Variants in XPO1 observed in about 807,000 individuals in gnomAD.
The protein encoded by XPO1 is exportin-1.
A neutral mutation model predicts 133.3 loss-of-function variants in XPO1; 5 were observed. That is an observed-to-expected ratio of 0.04 (90% CI 0.02 to 0.08). The LOEUF is 0.08. XPO1 is among the 10% of genes least tolerant of loss of function. The probability of loss-of-function intolerance (pLI) is 1.00; values close to 1 mark genes in which losing one functional copy is unlikely to be tolerated. For synonymous variants in XPO1, 419 were observed against 408.2 expected (o/e 1.03, Z -0.32); for missense variants, 506 against 1,267.5 (o/e 0.40, Z 9.12).
At chr2:61,484,560 C>G (rs1696579925) in intron 20 of XPO1, 1 of 155,652 alleles carries the variant, frequency 6.4e-6, no homozygotes, top group Non-Finnish European at 1.4e-5. Context: ...CCTCCGCCTC[C>G]TGGGTTCAAG....
intron 16 of XPO1, among the ~76,000 whole-genome samples, chr2:61,491,491 CA>C (rs1558638174): frequency 4.0e-5 from 6 of 149,632 alleles, no homozygotes; most frequent in South Asian, 2.1e-4. Flanking sequence ...CACACACACA[CA>C]CACACCCCAA....
At chr2:61,482,034 C>CTTTT (rs1195049382) in intron 23 of XPO1, among the ~76,000 whole-genome samples, 8 of 71,384 alleles carry the variant, frequency 1.1e-4, no homozygotes, top group East Asian at 1.1e-3. Context: ...CGTGCGTGGC[C>CTTTT]TTTTTTTTTT....
At chr2:61,526,569 G>T in intron 2 of XPO1, 48 bp from the exon 3 acceptor site, 2 of 1,386,458 alleles carry the variant, frequency 1.4e-6, no homozygotes, top group South Asian at 3.0e-5. Flanking sequence ...GTATTCTTTT[G>T]AATCATTCAT....
At chr2:61,482,583 C>A (rs764011581) in intron 22 of XPO1, 44 bp from the exon 23 acceptor site, 15 of 1,445,620 alleles carry the variant, frequency 1.0e-5, no homozygotes, top group Non-Finnish European at 2.8e-6. Flanking sequence ...TGTAATATAA[C>A]TATAGATCTT....
chr2:61,518,739 GT>G (rs778639885), intron 4 of XPO1, among the ~76,000 whole-genome samples: 2 of 152,144 alleles, frequency 1.3e-5, no homozygotes, highest in Non-Finnish European at 2.9e-5. Context: ...ACAGCCAAGT[GT>G]AATGTGGGGT....
intron 6 of XPO1, 103 bp from the exon 7 acceptor site, chr2:61,499,997 A>T (rs1225849343): frequency 7.0e-6 from 8 of 1,142,610 alleles, no homozygotes; most frequent in Non-Finnish European, 1.2e-6. Flanking sequence ...GTAAGGATAA[A>T]TCACTTTTCA....
intron 17 of XPO1, among the ~76,000 whole-genome samples, chr2:61,490,207 T>TTC (rs1553404309): frequency 1.3e-5 from 2 of 149,464 alleles, no homozygotes; most frequent in African/African-American, 5.0e-5. Flanking sequence ...TCATTTATTT[T>TTC]TTTTTTTTTG....
intron 4 of XPO1, among the ~76,000 whole-genome samples, chr2:61,513,288 T>C (rs373683346): frequency 6.6e-6 from 1 of 151,984 alleles, no homozygotes; most frequent in Non-Finnish European, 1.5e-5. Context: ...TGTGAGCTAC[T>C]GTGCCCAGCC....
chr2:61,529,061 C>T (rs1394620964), intron 2 of XPO1, among the ~76,000 whole-genome samples: 4 of 151,310 alleles, frequency 2.6e-5, no homozygotes, highest in East Asian at 3.9e-4. Context: ...TGGTGGGACA[C>T]GCACTTATGG....
chr2:61,526,175 GA>G, intron 3 of XPO1: 1 of 1,296,574 alleles, frequency 7.7e-7, no homozygotes, highest in Non-Finnish European at 9.8e-7. Context: ...ATACTAAAAA[GA>G]AAAAAACAAA....
Position 61,491,189 on chromosome 2 carries a change from G to A in XPO1, c.1888-413C>T, listed in dbSNP as rs1454970374. Among the ~76,000 whole-genome samples, 6 of 152,010 alleles carry A rather than the reference G, an allele frequency of 3.9e-5. No homozygotes were observed. In the East Asian group the frequency reaches 1.2e-3, roughly 29 times the overall value. ...AAACAACCCAAACTGGCCAGGCATG[G>A]TGGTGGCTCACGCCTGTAATCCCAG... is the stretch of plus-strand genomic sequence containing the variant. On this transcript the variant is annotated intron_variant, in intron 16 of 24. Transcript: ENST00000401558.
intron 3 of XPO1, chr2:61,526,165 A>G: frequency 7.8e-7 from 1 of 1,284,710 alleles, no homozygotes; most frequent in African/African-American, 1.5e-5. Context: ...CTGTATACAT[A>G]TACTAAAAAG....
chr2:61,501,083 T>A (rs1052377158), intron 6 of XPO1, among the ~76,000 whole-genome samples: 5 of 152,158 alleles, frequency 3.3e-5, no homozygotes, highest in Non-Finnish European at 7.4e-5. Context: ...TTAACCTTCT[T>A]TATATTCTCT....
intron 2 of XPO1, 115 bp downstream of exon 2, chr2:61,533,657 A>G: frequency 8.1e-7 from 1 of 1,231,802 alleles, no homozygotes; most frequent in Non-Finnish European, 1.1e-6. Context: ...AGAATTCCAA[A>G]TTAATGCAAA....
At chr2:61,504,487 C>T (rs1462044593) in intron 4 of XPO1, among the ~76,000 whole-genome samples, 1 of 152,178 alleles carries the variant, frequency 6.6e-6, no homozygotes, top group Non-Finnish European at 1.5e-5. Flanking sequence ...AATACTCTCA[C>T]ATCTGTTCAC....
chr2:61,496,831 T>G, intron 10 of XPO1, 48 bp downstream of exon 10: 3 of 1,455,658 alleles, frequency 2.1e-6, no homozygotes, highest in Non-Finnish European at 2.7e-6. Context: ...TGGTATTTTC[T>G]AAGGCACTAA....
At chr2:61,502,743 A>C (rs1374984300) in intron 4 of XPO1, 1 of 99,066 alleles carries the variant, frequency 1.0e-5, no homozygotes, top group Non-Finnish European at 2.1e-5. Flanking sequence ...ACAGAGCAAG[A>C]CTTAAAAAAA....
At chr2:61,526,606 C>G in intron 2 of XPO1, 85 bp from the exon 3 acceptor site, 1 of 989,830 alleles carries the variant, frequency 1.0e-6, no homozygotes, top group Non-Finnish European at 1.4e-6. Context: ...GAGCAAGGCA[C>G]AAATTCTAAT....
At chr2:61,525,364 T>C in intron 3 of XPO1, 1 of 989,746 alleles carries the variant, frequency 1.0e-6, no homozygotes, top group Non-Finnish European at 1.2e-6. Flanking sequence ...AATGGAACAT[T>C]ATGATTAATA....
Sources: allele counts gnomAD v4.1 joint callset (sites outside exome capture counted in the v4.1 genomes callset), GRCh38; gene constraint gnomAD v4.1.1; transcripts MANE v1.5; gene names NCBI Gene and HGNC (gene_info 2026-07-23, HGNC 2026-07-21).